The following RALGAPA1 variants were observed in gnomAD, a reference collection of about 807,000 sequenced individuals.
RALGAPA1 encodes the protein ral GTPase-activating protein subunit alpha-1.
In RALGAPA1, 52 loss-of-function variants were observed where a neutral mutation model predicts 269.6. The observed-to-expected ratio is 0.19, with a 90% CI of 0.15 to 0.24. The LOEUF (loss-of-function observed/expected upper bound fraction) is 0.24. Among genes scored for constraint, RALGAPA1 ranks in the 10% least tolerant of loss-of-function variants. The pLI, the probability that RALGAPA1 is intolerant of heterozygous loss-of-function variation, is 1.00. For missense variants in RALGAPA1, 1,917 were observed against 3,013.9 expected, an observed-to-expected ratio of 0.64 and a Z score of 8.52; for synonymous variants, 817 against 1,008.3, an observed-to-expected ratio of 0.81 and a Z score of 3.60.
At chr14:35,631,948 A>G (rs1469217509) in intron 33 of RALGAPA1, among the ~76,000 whole-genome samples, 1 of 152,150 alleles carries the variant, frequency 6.6e-6, no homozygotes, top group Non-Finnish European at 1.5e-5. Flanking sequence ...AGTATCCCAT[A>G]TGTCTTCTTC....
At position 35,613,526 on chromosome 14, in the gene RALGAPA1, T is replaced by C. The variant is rs910665148; in HGVS notation, c.6930-7817A>G. Among the ~76,000 whole-genome samples the C allele has an allele frequency of 1.6e-4, 24 of 152,222 alleles. 1 individual carries two copies. The highest frequency in any genetic ancestry group is 5.5e-4 in the African/African-American group (23 of 41,446). ...ATGCTAAAAGTCAGAAATCAAGGCA[T>C]AGACAGGGCCATGCACCTTCCAAAG... is the stretch of plus-strand genomic sequence containing the variant. On this transcript the variant is annotated intron_variant, in intron 35 of 41. Coordinates refer to ENST00000680220, the MANE Select transcript of RALGAPA1 (RefSeq NM_001346249.2).
At chr14:35,663,986 C>A (rs1566950351) in intron 27 of RALGAPA1, among the ~76,000 whole-genome samples, 1 of 152,122 alleles carries the variant, frequency 6.6e-6, no homozygotes, top group East Asian at 1.9e-4. Context: ...TCAACAGGCA[C>A]CTTGCTGGGC....
chr14:35,734,799 C>T (rs2070823854), intron 12 of RALGAPA1, among the ~76,000 whole-genome samples: 1 of 151,974 alleles, frequency 6.6e-6, no homozygotes, highest in African/African-American at 2.4e-5. Context: ...ACAATCTAGA[C>T]ATCTGACAAA....
intron 17 of RALGAPA1, among the ~76,000 whole-genome samples, chr14:35,694,847 T>G (rs1269717294): frequency 2.6e-5 from 4 of 151,972 alleles, no homozygotes; most frequent in Non-Finnish European, 5.9e-5. Context: ...GAGGCCCAGG[T>G]GGGTGGACCA....
At chr14:35,727,730 A>C (rs777244181) in intron 13 of RALGAPA1, among the ~76,000 whole-genome samples, 13 of 152,212 alleles carry the variant, frequency 8.5e-5, no homozygotes, top group Non-Finnish European at 1.8e-4. Flanking sequence ...AGAACTATAC[A>C]GAAGTACAAA....
At chr14:35,628,043 TCA>T (rs2061098988) in intron 33 of RALGAPA1, 92 bp from the exon 34 acceptor site, 1 of 1,333,524 alleles carries the variant, frequency 7.5e-7, no homozygotes, top group Non-Finnish European at 1.0e-6. Flanking sequence ...AGGGATTTTA[TCA>T]CATTGTTAAT....
At chr14:35,758,181 T>C (rs530668027) in intron 6 of RALGAPA1, among the ~76,000 whole-genome samples, 1 of 144,028 alleles carries the variant, frequency 6.9e-6, no homozygotes, top group Non-Finnish European at 1.5e-5. Flanking sequence ...GTGGTGGAGG[T>C]TGCAGTGAGC....
At chr14:35,619,081 G>T (rs1396868683) in intron 35 of RALGAPA1, among the ~76,000 whole-genome samples, 1 of 152,024 alleles carries the variant, frequency 6.6e-6, no homozygotes, top group Admixed American at 6.6e-5. Context: ...ATGTGTGTGG[G>T]TGCAGTGAGG....
chr14:35,736,574 G>C (rs1168721322), intron 12 of RALGAPA1, among the ~76,000 whole-genome samples: 2 of 152,076 alleles, frequency 1.3e-5, no homozygotes, highest in African/African-American at 4.8e-5. Context: ...AGAAACAGGA[G>C]GATATGCTAT....
intron 26 of RALGAPA1, 97 bp from the exon 27 acceptor site, chr14:35,664,864 G>A: frequency 9.2e-7 from 1 of 1,084,132 alleles, no homozygotes; most frequent in Non-Finnish European, 1.3e-6. Context: ...ACAGGGAAGT[G>A]ATACATAAAA....
At chr14:35,569,630 C>T (rs938564724) in intron 39 of RALGAPA1, among the ~76,000 whole-genome samples, 4 of 152,228 alleles carry the variant, frequency 2.6e-5, no homozygotes, top group African/African-American at 9.6e-5. Context: ...CTTCTCATAC[C>T]TCCATGTCTC....
chr14:35,751,425 C>T (rs1424891070), intron 8 of RALGAPA1, among the ~76,000 whole-genome samples: 1 of 152,090 alleles, frequency 6.6e-6, no homozygotes, highest in African/African-American at 2.4e-5. Flanking sequence ...TTTACAATCG[C>T]AAATATTTCT....
At chr14:35,742,589 G>C (rs772509345) in intron 10 of RALGAPA1, 24 bp from the exon 11 acceptor site, 4 of 1,522,724 alleles carry the variant, frequency 2.6e-6, no homozygotes, top group East Asian at 2.3e-5. Context: ...GGAGAATCAA[G>C]ATAATGATAC....
chr14:35,723,962 T>TAGA (rs961239815), intron 14 of RALGAPA1: 6 of 152,062 alleles, frequency 3.9e-5, no homozygotes, highest in African/African-American at 1.4e-4. Context: ...CTACAACATT[T>TAGA]AGAAAGGAAT....
At position 35,808,998 on chromosome 14, in the gene RALGAPA1, A is replaced by G; in HGVS notation, c.-163T>C. ...AGCCGACTCCTTCCCGATCCAGGCC[A>G]GGGCCGCCACCTCCACCCGCCTCGC... On this transcript the variant is annotated 5_prime_UTR_variant, in exon 1 of 42. Coordinates refer to ENST00000680220, the MANE Select transcript of RALGAPA1 (RefSeq NM_001346249.2). The G allele has an allele frequency of 1.5e-6, 2 of 1,378,264 alleles. No individual in the cohort carries two copies. The highest frequency in any genetic ancestry group is 5.1e-5 in the East Asian group (2 of 39,232). The allele number at this position is 1,378,264 out of a possible 1,614,324, so 85.4% of individuals were successfully genotyped here. A position where few individuals can be genotyped will look rare whatever the true frequency, so the allele number is the denominator to read the frequency against.
chr14:35,662,354 T>C (rs1165512008), intron 27 of RALGAPA1, among the ~76,000 whole-genome samples: 1 of 152,228 alleles, frequency 6.6e-6, no homozygotes, highest in Admixed American at 6.5e-5. Context: ...GTAAGTTCCA[T>C]GTGGCTGTAG....
At chr14:35,582,687 T>C (rs187641080) in intron 37 of RALGAPA1, among the ~76,000 whole-genome samples, 24 of 152,242 alleles carry the variant, frequency 1.6e-4, no homozygotes, top group African/African-American at 5.5e-4. Context: ...CAGTGAATAA[T>C]AGAGAAAAAT....
At chr14:35,664,830 T>C (rs1484816533) in intron 26 of RALGAPA1, 63 bp from the exon 27 acceptor site, 2 of 1,520,436 alleles carry the variant, frequency 1.3e-6, no homozygotes, top group Non-Finnish European at 1.8e-6. Context: ...TCAGAAAAGT[T>C]GCTTTGTTAT....
intron 39 of RALGAPA1, among the ~76,000 whole-genome samples, chr14:35,563,020 C>CAAAAAAAAAAAAAAAAAAAAAAAAAA (rs71445944): frequency 2.7e-5 from 1 of 37,256 alleles, no homozygotes; most frequent in Non-Finnish European, 4.9e-5. Context: ...GAGTCCGTCT[C>CAAAAAAAAAAAAAAAAAAAAAAAAAA]AAAAAAAAAA....
Sources: gnomAD v4.1 joint callset for allele counts (sites outside exome capture counted in the v4.1 genomes callset) on GRCh38, gnomAD v4.1.1 for gene constraint, MANE v1.5 for transcripts, NCBI Gene and HGNC (gene_info 2026-07-23, HGNC 2026-07-21) for gene names.